NRG1: variants seen among roughly 807,000 people sequenced by gnomAD.
NRG1 encodes the protein pro-neuregulin-1, membrane-bound isoform.
In NRG1, 18 loss-of-function variants were observed where a neutral mutation model predicts 63.8. The observed-to-expected ratio is 0.28, with a 90% CI of 0.19 to 0.42. The LOEUF (loss-of-function observed/expected upper bound fraction) is 0.42. NRG1 is among the 10% of genes least tolerant of loss of function. The probability of loss-of-function intolerance (pLI) is 1.00; values close to 1 mark genes in which losing one functional copy is unlikely to be tolerated. For missense variants in NRG1, 762 were observed against 814.7 expected (o/e 0.94, Z 0.79); for synonymous variants, 302 against 301.3 (o/e 1.00, Z -0.02).
chr8:32,050,410 C>G (rs1400175377), intron 1 of NRG1, among the ~76,000 whole-genome samples: 1 of 152,016 alleles, frequency 6.6e-6, no homozygotes, highest in Non-Finnish European at 1.5e-5. Context: ...CTGGGGATTT[C>G]TTTTCATGAT....
intron 1 of NRG1, among the ~76,000 whole-genome samples, chr8:32,382,818 C>T (rs1301750301): frequency 1.3e-5 from 2 of 152,082 alleles, no homozygotes; most frequent in African/African-American, 4.8e-5. Context: ...ATACACTGGT[C>T]CAGGCCCTGG....
chr8:31,787,954 T>G (rs1820336598), intron 1 of NRG1, among the ~76,000 whole-genome samples: 2 of 152,148 alleles, frequency 1.3e-5, no homozygotes, highest in Non-Finnish European at 2.9e-5. Flanking sequence ...TTTAACTCAT[T>G]TAATCTTCAC....
chr8:32,549,960 C>A (rs1833820259), intron 1 of NRG1, among the ~76,000 whole-genome samples: 1 of 152,138 alleles, frequency 6.6e-6, no homozygotes, highest in Non-Finnish European at 1.5e-5. Flanking sequence ...AGAATTAATT[C>A]ACTAGTACTT....
At chr8:31,685,669 G>T (rs1808810153) in intron 1 of NRG1, among the ~76,000 whole-genome samples, 1 of 152,110 alleles carries the variant, frequency 6.6e-6, no homozygotes, top group African/African-American at 2.4e-5. Flanking sequence ...CATCCCCCAT[G>T]TAGTTCCAAC....
At chr8:32,168,872 G>C (rs765411787) in intron 1 of NRG1, among the ~76,000 whole-genome samples, 32 of 152,096 alleles carry the variant, frequency 2.1e-4, no homozygotes, top group Non-Finnish European at 3.7e-4. Context: ...TTTGCTTACT[G>C]TCTGTCTCTT....
intron 1 of NRG1, among the ~76,000 whole-genome samples, chr8:32,410,198 T>C (rs938521015): frequency 1.4e-5 from 2 of 146,628 alleles, no homozygotes; most frequent in Non-Finnish European, 1.5e-5. Context: ...TTTTTTTTTT[T>C]GAGACATGGT....
At chr8:32,637,397 T>G (rs1465822810) in intron 5 of NRG1, among the ~76,000 whole-genome samples, 2 of 152,266 alleles carry the variant, frequency 1.3e-5, no homozygotes, top group South Asian at 4.1e-4. Context: ...GCCACCATAT[T>G]TGGACCGAGG....
At chr8:31,791,205 CAA>C (rs35966484) in intron 1 of NRG1, among the ~76,000 whole-genome samples, 32 of 98,618 alleles carry the variant, frequency 3.2e-4, no homozygotes, top group Middle Eastern at 6.3e-3. Flanking sequence ...GAAACTGTGC[CAA>C]AAAAAAAAAA....
intron 1 of NRG1, among the ~76,000 whole-genome samples, chr8:32,369,781 G>A (rs1030390723): frequency 2.0e-5 from 3 of 152,134 alleles, no homozygotes; most frequent in Non-Finnish European, 2.9e-5. Context: ...TGAAATTTCG[G>A]ATTTCTACAC....
At chr8:32,368,598 A>G (rs1808393409) in intron 1 of NRG1, among the ~76,000 whole-genome samples, 1 of 152,184 alleles carries the variant, frequency 6.6e-6, no homozygotes, top group South Asian at 2.1e-4. Flanking sequence ...AAGTACTTCT[A>G]TTTATTTCTT....
At chr8:32,763,635 T>C in intron 11 of NRG1, 113 bp from the exon 12 acceptor site, 1 of 1,226,936 alleles carries the variant, frequency 8.2e-7, no homozygotes. Flanking sequence ...CTACAATGAA[T>C]AGAAATTCTC....
exon 1 of NRG1, chr8:32,548,327 C>T: frequency 1.0e-6 from 1 of 998,942 alleles, no homozygotes; most frequent in Non-Finnish European, 1.2e-6. Flanking sequence ...GTTGGAACTC[C>T]GGGCTCGCGC....
chr8:32,262,904 C>T (rs927794904), intron 1 of NRG1, among the ~76,000 whole-genome samples: 12 of 152,174 alleles, frequency 7.9e-5, no homozygotes, highest in African/African-American at 2.7e-4. Context: ...CTAAGGGGCC[C>T]TGGCCACTCA....
intron 5 of NRG1, among the ~76,000 whole-genome samples, chr8:32,631,797 C>G (rs1048673165): frequency 9.2e-5 from 14 of 152,122 alleles, no homozygotes; most frequent in Non-Finnish European, 5.9e-5. Flanking sequence ...ATCTAGGACG[C>G]TTTGAGACTC....
At chr8:31,937,094 C>A (rs1801024296) in intron 1 of NRG1, among the ~76,000 whole-genome samples, 1 of 152,242 alleles carries the variant, frequency 6.6e-6, no homozygotes, top group Admixed American at 6.5e-5. Flanking sequence ...TCTACAACCC[C>A]TCCCAGAGTC....
intron 1 of NRG1, among the ~76,000 whole-genome samples, chr8:32,087,673 A>G (rs1828464113): frequency 6.6e-6 from 1 of 151,690 alleles, no homozygotes; most frequent in Non-Finnish European, 1.5e-5. Flanking sequence ...GTTTCACCAT[A>G]TTAGCCAGGC....
At chr8:31,825,302 G>A (rs1307490343) in intron 1 of NRG1, among the ~76,000 whole-genome samples, 5 of 151,918 alleles carry the variant, frequency 3.3e-5, no homozygotes, top group Non-Finnish European at 7.4e-5. Flanking sequence ...GCAGGAGAAT[G>A]GCATGAACCC....
chr8:32,171,035 A>G (rs1029028790), intron 1 of NRG1, among the ~76,000 whole-genome samples: 2 of 152,052 alleles, frequency 1.3e-5, no homozygotes, highest in African/African-American at 4.8e-5. Context: ...CTTGTCCATT[A>G]GCGGATTTTC....
chr8:32,408,419 C>A (rs1814402575), intron 1 of NRG1, among the ~76,000 whole-genome samples: 1 of 152,098 alleles, frequency 6.6e-6, no homozygotes, highest in South Asian at 2.1e-4. Flanking sequence ...CTGACTAGGT[C>A]AGAGTGAGAA....
Sources: gnomAD v4.1 joint callset for allele counts (sites outside exome capture counted in the v4.1 genomes callset) on GRCh38, gnomAD v4.1.1 for gene constraint, MANE v1.5 for transcripts, NCBI Gene and HGNC (gene_info 2026-07-23, HGNC 2026-07-21) for gene names.